Variants in ALG1 observed in about 807,000 individuals in gnomAD.
The protein encoded by ALG1 is ALG1 chitobiosyldiphosphodolichol beta-mannosyltransferase.
Under a neutral mutation model 55.1 loss-of-function variants are expected in ALG1, and 58 were observed. The ratio of observed to expected loss-of-function variants is 1.05; its 90% CI spans 0.85 to 1.31. The LOEUF (loss-of-function observed/expected upper bound fraction) is 1.31. Among genes scored for constraint, ALG1 ranks in the 50% most tolerant of loss-of-function variants. The probability of loss-of-function intolerance (pLI) is 0.00; values close to 1 mark genes in which losing one functional copy is unlikely to be tolerated. For missense variants in ALG1, 761 were observed against 598.6 expected (o/e 1.27, Z -2.83); for synonymous variants, 309 against 247.0 (o/e 1.25, Z -2.35).
At chr16:5,072,547 C>A (rs976430693) in intron 1 of ALG1, among the ~76,000 whole-genome samples, 1 of 152,206 alleles carries the variant, frequency 6.6e-6, no homozygotes, top group African/African-American at 2.4e-5. Flanking sequence ...GGTAGCTCAA[C>A]CCCATCTCAG....
At chr16:5,074,657 T>C (rs1390928955) in intron 3 of ALG1, among the ~76,000 whole-genome samples, 1 of 152,208 alleles carries the variant, frequency 6.6e-6, no homozygotes, top group East Asian at 1.9e-4. Context: ...AATTGTGTAG[T>C]CAAAGTTGAT....
At chr16:5,078,318 G>A (rs1184431744) in intron 6 of ALG1, 19 of 622,942 alleles carry the variant, frequency 3.1e-5, no homozygotes, top group Admixed American at 4.2e-5. Flanking sequence ...GGACCCCTGC[G>A]CTGTCTTACT....
intron 11 of ALG1, among the ~76,000 whole-genome samples, chr16:5,083,127 T>G (rs1238243150): frequency 6.6e-6 from 1 of 152,168 alleles, no homozygotes; most frequent in East Asian, 1.9e-4. Flanking sequence ...TGTCATGCTG[T>G]GGCCTCACTG....
intron 6 of ALG1, 79 bp downstream of exon 6, chr16:5,078,096 A>G: frequency 4.0e-6 from 6 of 1,507,312 alleles, no homozygotes; most frequent in Non-Finnish European, 5.4e-6. Flanking sequence ...CAGACCTGGG[A>G]ACCCACTCAT....
At position 5,072,028 on chromosome 16, in the gene ALG1, G is replaced by T; in HGVS notation, c.179G>T (p.Gly60Val). The stretch of plus-strand genomic sequence containing the variant: ...CACGCGCTGTCGTTGGCCATGCACG[G>T]CTTCTCGGTGACCCTCCTGGGGTTC... ...QYHALSLAMH[G>V]FSVTLLGFCN... The change falls in exon 1 of 13, where the codon GGC becomes GTC. Residue 60 changes from glycine (G) to valine (V), a missense_variant. Coordinates refer to ENST00000262374, the MANE Select transcript of ALG1 (RefSeq NM_019109.5). 1 of 1,594,284 alleles carries T rather than the reference G, an allele frequency of 6.3e-7. No homozygotes were observed. The highest frequency in any genetic ancestry group is 1.1e-5 in the South Asian group (1 of 88,396).
intron 12 of ALG1, 118 bp from the exon 13 acceptor site, chr16:5,084,632 G>A: frequency 2.7e-6 from 4 of 1,477,794 alleles, no homozygotes; most frequent in Non-Finnish European, 3.7e-6. Flanking sequence ...CCAAGTGAGG[G>A]AGTTAGGGAC....
At chr16:5,083,090 A>T (rs1340264066) in intron 11 of ALG1, among the ~76,000 whole-genome samples, 1 of 152,124 alleles carries the variant, frequency 6.6e-6, no homozygotes, top group Non-Finnish European at 1.5e-5. Flanking sequence ...CCAAGCTCAC[A>T]TGGTCGGTTT....
rs767066560 is a variant in ALG1, at chr16:5,082,688, C to G, written c.1187+15C>G. Reference sequence around the variant, plus strand: ...AACTTCAAGTGGTAGGAGCAGAACCCAAATCCTTCTGGGGATAGCTTTGCA... The same window carrying G: ...AACTTCAAGTGGTAGGAGCAGAACCGAAATCCTTCTGGGGATAGCTTTGCA... On this transcript the variant is annotated intron_variant, in intron 11 of 12. Transcript: ENST00000262374. The G allele has an allele frequency of 1.9e-6, 3 of 1,610,672 alleles. No homozygotes were observed. The highest frequency in any genetic ancestry group is 8.5e-7 in the Non-Finnish European group (1 of 1,179,762).
At chr16:5,082,928 A>C (rs932930309) in intron 11 of ALG1, among the ~76,000 whole-genome samples, 2 of 152,154 alleles carry the variant, frequency 1.3e-5, no homozygotes, top group Admixed American at 1.3e-4. Context: ...AAAAATGGCA[A>C]CTACTTTTGC....
chr16:5,078,353 T>C, intron 6 of ALG1: 1 of 593,688 alleles, frequency 1.7e-6, no homozygotes, highest in East Asian at 3.8e-5. Flanking sequence ...TTCCCAGGCC[T>C]GTGGCAGGAT....
intron 5 of ALG1, among the ~76,000 whole-genome samples, 153 bp downstream of exon 5, chr16:5,077,687 A>C (rs1004777564): frequency 6.6e-6 from 1 of 151,960 alleles, no homozygotes; most frequent in Non-Finnish European, 1.5e-5. Context: ...AAGCTGGGGG[A>C]GGAGGGGGCA....
At chr16:5,079,321 C>G (rs1956975073) in intron 8 of ALG1, among the ~76,000 whole-genome samples, 1 of 152,224 alleles carries the variant, frequency 6.6e-6, no homozygotes, top group South Asian at 2.1e-4. Context: ...GTATCTCACA[C>G]AGGCTGGTGG....
intron 3 of ALG1, among the ~76,000 whole-genome samples, chr16:5,073,666 A>G (rs956793037): frequency 3.3e-5 from 5 of 152,276 alleles, no homozygotes; most frequent in African/African-American, 1.2e-4. Context: ...GTAGGTCGTC[A>G]GTGTGGTTCT....
At chr16:5,083,643 C>T (rs1478586118) in intron 11 of ALG1, 39 bp from the exon 12 acceptor site, 2 of 1,600,392 alleles carry the variant, frequency 1.2e-6, no homozygotes, top group Non-Finnish European at 1.7e-6. Context: ...CTGGTGTCTT[C>T]TACAGGCAGC....
At chr16:5,074,754 C>T (rs549436181) in intron 3 of ALG1, among the ~76,000 whole-genome samples, 8 of 152,148 alleles carry the variant, frequency 5.3e-5, no homozygotes, top group Non-Finnish European at 8.8e-5. Context: ...ACCTCTTCTC[C>T]CCCATGCTTA....
rs143879021 is a variant in ALG1, at chr16:5,074,942, G to A, written c.391-446G>A. ...TTTAGAGGCAGAGTCTAGCTCTGTC[G>A]CCCAGGCTGGAGTGCAGTGGCACAA... On this transcript the variant is annotated intron_variant, in intron 3 of 12. Transcript: ENST00000262374. Among the ~76,000 whole-genome samples, 555 of 152,226 alleles carry A rather than the reference G, an allele frequency of 3.6e-3. 1 individual carries two copies. Among genetic ancestry groups the A allele is most frequent in the South Asian group, 0.01 (50 of 4,820 alleles).
rs1047690 is a variant in ALG1 at position 5,084,928 on chromosome 16, G to A, written c.*47G>A. On this transcript the variant is annotated 3_prime_UTR_variant, in exon 13 of 13. Transcript: ENST00000262374. ...CCCCAGGACCCCTGCTGTCCTTCCC[G>A]CAGCTTCTTCTTGGAGTCTCAGGGC... 8.1e-6 allele frequency: 13 copies of A among 1,596,228 alleles called. No individual in the cohort carries two copies. The highest frequency in any genetic ancestry group is 6.7e-5 in the African/African-American group (5 of 74,836).
Position 5,086,224 on chromosome 16 carries a change from A to G in ALG1, c.*1343A>G, listed in dbSNP as rs956077603. Among the ~76,000 whole-genome samples, 1 of 151,720 alleles carries G rather than the reference A, an allele frequency of 6.6e-6. No homozygotes were observed. Among genetic ancestry groups the G allele is most frequent in the African/African-American group, 2.4e-5 (1 of 41,326 alleles). On this transcript the variant is annotated 3_prime_UTR_variant, in exon 13 of 13. Transcript: ENST00000262374. ...ATGGCGAGTGCCTGTAATCCCAGCTACTTGGGAGGCTGAGGTGGGAGAATT... is the reference window on the plus strand; with the variant it reads ...ATGGCGAGTGCCTGTAATCCCAGCTGCTTGGGAGGCTGAGGTGGGAGAATT...
intron 1 of ALG1, chr16:5,072,318 G>A: frequency 7.3e-7 from 1 of 1,370,428 alleles, no homozygotes; most frequent in Non-Finnish European, 9.6e-7. Context: ...GTGGAACCCA[G>A]GTGCGTGGAA....
Sources: gnomAD v4.1 joint callset for allele counts (sites outside exome capture counted in the v4.1 genomes callset) on GRCh38, gnomAD v4.1.1 for gene constraint, MANE v1.5 for transcripts, NCBI Gene and HGNC (gene_info 2026-07-23, HGNC 2026-07-21) for gene names.